The following FEM1C variants were observed in gnomAD, a reference collection of about 807,000 sequenced individuals.
The protein encoded by FEM1C is fem-1 homolog C.
FEM1C carries 15 observed loss-of-function variants against 37.6 expected under a neutral mutation model. The ratio of observed to expected loss-of-function variants is 0.40; its 90% CI spans 0.27 to 0.61. FEM1C has a LOEUF of 0.61. Among genes scored for constraint, FEM1C ranks in the 20% least tolerant of loss-of-function variants. FEM1C has a pLI of 0.42. For synonymous variants in FEM1C, 287 were observed against 272.8 expected (o/e 1.05, Z -0.51); for missense variants, 532 against 749.7 (o/e 0.71, Z 3.39).
intron 2 of FEM1C, among the ~76,000 whole-genome samples, chr5:115,539,601 T>A (rs1393102002): frequency 6.6e-6 from 1 of 152,106 alleles, no homozygotes; most frequent in Non-Finnish European, 1.5e-5. Flanking sequence ...CCTCAGGTTA[T>A]AAGTTGTTGG....
At chr5:115,530,075 GAAAAGACAAAAACTT>G (rs1006372620) in intron 2 of FEM1C, among the ~76,000 whole-genome samples, 5 of 151,690 alleles carry the variant, frequency 3.3e-5, no homozygotes, top group African/African-American at 1.2e-4. Flanking sequence ...AAGATACAAA[GAAAAGACAAAAACTT>G]AAAAGACAAA....
At chr5:115,526,425 A>C (rs1753895197) in intron 2 of FEM1C, among the ~76,000 whole-genome samples, 1 of 152,106 alleles carries the variant, frequency 6.6e-6, no homozygotes, top group Admixed American at 6.6e-5. Flanking sequence ...ATTATAATTT[A>C]ACTTTTTAAA....
Position 115,543,685 on chromosome 5 carries a change from TAGAG to T in FEM1C, c.-190-6_-190-3del. On this transcript the variant is annotated splice_polypyrimidine_tract_variant and splice_region_variant and intron_variant, in intron 1 of 2. Coordinates refer to ENST00000274457, the MANE Select transcript of FEM1C (RefSeq NM_020177.3). Reference sequence around the variant, plus strand: ...ACATCTGACAACCAGGGCACCAAACTAGAGAAAGAAAAAAAAAGTAGCAGCATTT... The same window carrying T: ...ACATCTGACAACCAGGGCACCAAACTAAAGAAAAAAAAAGTAGCAGCATTT... The T allele has an allele frequency of 7.4e-7, 1 of 1,346,246 alleles. No homozygotes were observed. Among genetic ancestry groups the T allele is most frequent in the Non-Finnish European group, 9.5e-7 (1 of 1,054,180 alleles). The allele number at this position is 1,346,246 out of a possible 1,614,324, so 83.4% of individuals were successfully genotyped here.
chr5:115,528,918 G>A (rs893554358), intron 2 of FEM1C, among the ~76,000 whole-genome samples: 2 of 151,984 alleles, frequency 1.3e-5, no homozygotes, highest in African/African-American at 2.4e-5. Flanking sequence ...TGAAAAACTC[G>A]GTGAGTGGCT....
In FEM1C at chr5:115,543,643, C is replaced by T. The variant is rs1026672893; in HGVS notation, c.-150G>A. The T allele has an allele frequency of 5.0e-6, 7 of 1,391,024 alleles. No individual in the cohort carries two copies. The highest frequency in any genetic ancestry group is 1.5e-5 in the African/African-American group (1 of 68,508). The allele number at this position is 1,391,024 out of a possible 1,614,324, so 86.2% of individuals were successfully genotyped here. ...ATACACAACCACGAAGAGTATGTTC[C>T]GTCCTACTGCTTTCCAACATCTGAC... is the stretch of plus-strand genomic sequence containing the variant. On this transcript the variant is annotated 5_prime_UTR_variant, in exon 2 of 3. Transcript: ENST00000274457.
intron 2 of FEM1C, among the ~76,000 whole-genome samples, chr5:115,537,879 T>C (rs908055453): frequency 6.6e-6 from 1 of 152,014 alleles, no homozygotes; most frequent in Non-Finnish European, 1.5e-5. Context: ...TAGAATGACA[T>C]CAATCATTAT....
Position 115,525,098 on chromosome 5 carries a change from T to G in FEM1C, c.1064A>C (p.Lys355Thr), listed in dbSNP as rs754124488. The change falls in exon 3 of 3, where the codon AAA becomes ACA. Residue 355 changes from lysine (K) to threonine (T), a missense_variant. By Grantham distance (78) the Lys-to-Thr change is moderately conservative (BLOSUM62 -1). Coordinates refer to ENST00000274457, the MANE Select transcript of FEM1C (RefSeq NM_020177.3). ...GAVYADSGNF[K>T]RCINLWKYAL... ...ATACTTCCATAGGTTGATGCATCGT[T>G]TGAAATTTCCAGAGTCTGCATAGAC... is the stretch of plus-strand genomic sequence containing the variant. 1 of 1,613,834 alleles carries G rather than the reference T, an allele frequency of 6.2e-7. No individual in the cohort carries two copies. The highest frequency in any genetic ancestry group is 2.2e-5 in the East Asian group (1 of 44,874).
chr5:115,538,866 T>G (rs1014881713), intron 2 of FEM1C, among the ~76,000 whole-genome samples: 3 of 151,940 alleles, frequency 2.0e-5, no homozygotes, highest in African/African-American at 7.2e-5. Context: ...CACATCCCAA[T>G]AAACTTTCTG....
At chr5:115,542,859 T>C (rs1339126307) in intron 2 of FEM1C, 91 bp downstream of exon 2, 1 of 1,471,728 alleles carries the variant, frequency 6.8e-7, no homozygotes, top group African/African-American at 1.4e-5. Flanking sequence ...CTGTCAATGC[T>C]GGTTTACTCA....
intron 2 of FEM1C, among the ~76,000 whole-genome samples, chr5:115,535,017 A>G (rs1452285113): frequency 6.6e-6 from 1 of 151,968 alleles, no homozygotes; most frequent in Non-Finnish European, 1.5e-5. Flanking sequence ...TACACCATAT[A>G]GAAATAAAAT....
At chr5:115,531,795 T>C (rs1421328660) in intron 2 of FEM1C, among the ~76,000 whole-genome samples, 4 of 152,130 alleles carry the variant, frequency 2.6e-5, no homozygotes, top group African/African-American at 9.7e-5. Flanking sequence ...AAAACCTTTC[T>C]TAGCTCTCAG....
chr5:115,538,517 A>T (rs1043001379), intron 2 of FEM1C, among the ~76,000 whole-genome samples: 4 of 152,056 alleles, frequency 2.6e-5, no homozygotes, highest in African/African-American at 9.7e-5. Context: ...TGCATGGGGT[A>T]AAAACACTAG....
rs1430323105 is a variant in FEM1C, at chr5:115,522,428, A to G, written c.*1880T>C. 2 of 151,960 alleles carry G rather than the reference A, an allele frequency of 1.3e-5. No homozygotes were observed. The highest frequency in any genetic ancestry group is 4.8e-5 in the African/African-American group (2 of 41,420). The allele number at this position is 151,960 out of a possible 1,614,324, so 9.4% of individuals were successfully genotyped here. A position where few individuals can be genotyped will look rare whatever the true frequency, so the allele number is the denominator to read the frequency against. On this transcript the variant is annotated 3_prime_UTR_variant, in exon 3 of 3. Transcript: ENST00000274457. ...GAGAGATAGTAAAACCTCTTCATCA[A>G]AAAGTTGGAGATCGTTCATTTATAT...
Position 115,543,253 on chromosome 5 carries a change from T to C in FEM1C, c.241A>G (p.Ile81Val), listed in dbSNP as rs1453030530. 9.9e-6 allele frequency: 16 copies of C among 1,614,218 alleles called. No homozygotes were observed. The highest frequency in any genetic ancestry group is 2.2e-5 in the South Asian group (2 of 91,082). Residue 81 changes from isoleucine (I) to valine (V), a missense_variant, in exon 2 of 3, where the codon ATT becomes GTT. Ile to Val is a conservative substitution (Grantham distance 29, BLOSUM62 3). Transcript: ENST00000274457. ...GCCCATAAAGGGGGAGCCCCCTCAA[T>C]GGTTTCGCCATCAAAATTGACGGAG... ...GGSVNFDGET[I>V]EGAPPLWAAS...
rs1021968309 is a variant in FEM1C at position 115,542,573 on chromosome 5, A to C, written c.544+377T>G. Among the ~76,000 whole-genome samples the C allele has an allele frequency of 1.7e-4, 26 of 152,148 alleles. 1 individual carries two copies. The highest frequency in any genetic ancestry group is 1.2e-3 in the East Asian group (6 of 5,194). ...ACTCCAAGGTTGTTCTAAAAAAAAA[A>C]AAAACAAAACAAAAAGCTAAGAAAA... is the stretch of plus-strand genomic sequence containing the variant. On this transcript the variant is annotated intron_variant, in intron 2 of 2. Coordinates refer to ENST00000274457, the MANE Select transcript of FEM1C (RefSeq NM_020177.3).
At chr5:115,528,547 TA>T (rs1753952297) in intron 2 of FEM1C, among the ~76,000 whole-genome samples, 1 of 152,116 alleles carries the variant, frequency 6.6e-6, no homozygotes, top group Non-Finnish European at 1.5e-5. Context: ...AAATCGAATT[TA>T]AGATCATCTC....
At chr5:115,534,896 T>TC (rs1226560089) in intron 2 of FEM1C, among the ~76,000 whole-genome samples, 6 of 151,952 alleles carry the variant, frequency 3.9e-5, no homozygotes, top group Admixed American at 3.3e-4. Flanking sequence ...AGAAGGATTC[T>TC]TATTTTCTTG....
intron 2 of FEM1C, among the ~76,000 whole-genome samples, chr5:115,528,797 T>G (rs1332665896): frequency 6.6e-6 from 1 of 152,008 alleles, no homozygotes; most frequent in Non-Finnish European, 1.5e-5. Context: ...GATAATGCAG[T>G]TTATCAACAC....
chr5:115,530,438 C>T (rs970147613), intron 2 of FEM1C, among the ~76,000 whole-genome samples: 1 of 152,106 alleles, frequency 6.6e-6, no homozygotes, highest in Non-Finnish European at 1.5e-5. Context: ...AATCTGCAAA[C>T]ATTAGTACAT....
Sources: allele counts gnomAD v4.1 joint callset (sites outside exome capture counted in the v4.1 genomes callset), GRCh38; gene constraint gnomAD v4.1.1; transcripts MANE v1.5; gene names NCBI Gene and HGNC (gene_info 2026-07-23, HGNC 2026-07-21).